Variants in ERI1 observed in about 807,000 individuals in gnomAD.
ERI1 encodes exoribonuclease 1, also known as 3'-5' exoribonuclease 1.
A neutral mutation model predicts 39.7 loss-of-function variants in ERI1; 39 were observed. The observed-to-expected ratio is 0.98, with a 90% CI of 0.76 to 1.28. The LOEUF (loss-of-function observed/expected upper bound fraction) is 1.28, where lower values mean the gene tolerates loss of function less well. Among genes scored for constraint, ERI1 ranks in the 50% most tolerant of loss-of-function variants. The pLI, the probability that ERI1 is intolerant of heterozygous loss-of-function variation, is 0.00. For missense variants in ERI1, 581 were observed against 416.9 expected (o/e 1.39, Z -3.43); for synonymous variants, 204 against 149.6 (o/e 1.36, Z -2.65).
chr8:9,059,488 G>T (rs1050600437), intron 3 of ERI1, among the ~76,000 whole-genome samples: 4 of 152,030 alleles, frequency 2.6e-5, no homozygotes, highest in Non-Finnish European at 4.4e-5. Context: ...GCTGAAGGAA[G>T]ATTTTGTGGA....
chr8:9,021,515 C>G (rs941088681), intron 6 of ERI1, among the ~76,000 whole-genome samples: 1 of 152,114 alleles, frequency 6.6e-6, no homozygotes, highest in Non-Finnish European at 1.5e-5. Context: ...TTTTAACAGT[C>G]TTTTAAAACT....
At chr8:9,053,476 C>T (rs974843646) in intron 3 of ERI1, among the ~76,000 whole-genome samples, 1 of 151,256 alleles carries the variant, frequency 6.6e-6, no homozygotes, top group East Asian at 2.0e-4. Flanking sequence ...CAGCCACTAG[C>T]CCCATACCTC....
intron 5 of ERI1, among the ~76,000 whole-genome samples, chr8:9,019,659 C>G (rs940614683): frequency 6.6e-6 from 1 of 152,152 alleles, no homozygotes; most frequent in Non-Finnish European, 1.5e-5. Flanking sequence ...TACAGAAGCA[C>G]TAGTGTCCTG....
chr8:9,049,221 A>G (rs1292203581), intron 3 of ERI1, among the ~76,000 whole-genome samples: 1 of 151,004 alleles, frequency 6.6e-6, no homozygotes, highest in African/African-American at 2.4e-5. Context: ...CTGTAATCCC[A>G]GCTACTCAGG....
intron 3 of ERI1, among the ~76,000 whole-genome samples, chr8:9,093,038 T>C (rs1215139204): frequency 6.6e-6 from 1 of 152,184 alleles, no homozygotes; most frequent in African/African-American, 2.4e-5. Flanking sequence ...AGTATGTCTG[T>C]CTCCAAATTT....
At chr8:9,076,115 G>C (rs1397282626) in intron 3 of ERI1, among the ~76,000 whole-genome samples, 10 of 152,074 alleles carry the variant, frequency 6.6e-5, no homozygotes, top group Admixed American at 6.6e-4. Context: ...TTTTGCTGCT[G>C]TTGTTGTTTT....
rs912208485 is a variant in ERI1, at chr8:9,002,923, C to T, written c.-141C>T. On this transcript the variant is annotated 5_prime_UTR_variant, in exon 1 of 7. Transcript: ENST00000250263. ...CACGCTCCCGGAAGTGGGAGGTGGC[C>T]GCTGGAGTTTGTGTGGCCGCCGCCG... 1 of 529,898 alleles carries T rather than the reference C, an allele frequency of 1.9e-6. No individual in the cohort carries two copies. The highest frequency in any genetic ancestry group is 2.9e-6 in the Non-Finnish European group (1 of 346,968). The allele number at this position is 529,898 out of a possible 1,614,324, so 32.8% of individuals were successfully genotyped here.
chr8:9,003,197 G>C (rs776585158), intron 1 of ERI1, 26 bp downstream of exon 1: 1 of 1,223,392 alleles, frequency 8.2e-7, no homozygotes, highest in Admixed American at 4.2e-5. Context: ...GCGCCTGGCT[G>C]TTGGCGCCAG....
At chr8:9,045,028 G>C (rs1300314778) in intron 3 of ERI1, among the ~76,000 whole-genome samples, 1 of 151,844 alleles carries the variant, frequency 6.6e-6, no homozygotes, top group African/African-American at 2.4e-5. Flanking sequence ...ACGAGGTCAG[G>C]AGATCGAGAC....
At chr8:9,033,598 A>G (rs1326754094), downstream of ERI1, among the ~76,000 whole-genome samples, 1 of 152,220 alleles carries the variant, frequency 6.6e-6, no homozygotes, top group African/African-American at 2.4e-5. Flanking sequence ...TCAGACATTT[A>G]TGGAGCACTG....
chr8:9,008,664 C>G (rs1301327836), intron 2 of ERI1, among the ~76,000 whole-genome samples: 1 of 152,166 alleles, frequency 6.6e-6, no homozygotes, highest in African/African-American at 2.4e-5. Context: ...ACTTAGTCAA[C>G]TGTATGTGTA....
chr8:9,037,892 A>T (rs1051785075), downstream of ERI1, among the ~76,000 whole-genome samples: 26 of 47,054 alleles, frequency 5.5e-4, no homozygotes, highest in African/African-American at 3.6e-3. Context: ...TTGCTGATTT[A>T]AAAAAAAAAA....
intron 6 of ERI1, 40 bp from the exon 7 acceptor site, chr8:9,029,752 G>C: frequency 3.7e-6 from 6 of 1,611,078 alleles, no homozygotes; most frequent in Non-Finnish European, 5.1e-6. Context: ...TTACAGTTTA[G>C]AACACCAAAG....
At chr8:9,089,554 TA>T (rs1265629440) in intron 3 of ERI1, among the ~76,000 whole-genome samples, 1 of 152,152 alleles carries the variant, frequency 6.6e-6, no homozygotes, top group Non-Finnish European at 1.5e-5. Context: ...GAAAATGCCC[TA>T]TGAGGAGGAA....
chr8:9,067,915 G>T (rs1023048709), intron 3 of ERI1, among the ~76,000 whole-genome samples: 10 of 137,632 alleles, frequency 7.3e-5, no homozygotes, highest in African/African-American at 1.4e-4. Context: ...AGAGAGTTAT[G>T]CTACAAATAC....
Position 9,065,841 on chromosome 8 carries a change from C to G in ERI1, n.299+45377C>G, listed in dbSNP as rs1252074661. ...GCCTTGGAAGTTTTGATTCCTTTTTCCTCTCCTGTTGCAAACTCATGTTGT... is the reference window on the plus strand; with the variant it reads ...GCCTTGGAAGTTTTGATTCCTTTTTGCTCTCCTGTTGCAAACTCATGTTGT... On this transcript the variant is annotated intron_variant and non_coding_transcript_variant, in intron 3 of 3. Coordinates refer to the ERI1 transcript ENST00000518663. Among the ~76,000 whole-genome samples the G allele has an allele frequency of 3.3e-5, 5 of 151,950 alleles. No individual in the cohort carries two copies. In the East Asian group the frequency reaches 7.7e-4, roughly 23 times the overall value.
chr8:9,015,615 G>C (rs1817155071), intron 3 of ERI1, among the ~76,000 whole-genome samples: 1 of 151,298 alleles, frequency 6.6e-6, no homozygotes, highest in African/African-American at 2.4e-5. Context: ...CCAGCTAGTT[G>C]GGAGGCTGAG....
intron 1 of ERI1, among the ~76,000 whole-genome samples, chr8:9,006,738 C>T (rs1165016642): frequency 3.3e-5 from 5 of 152,042 alleles, no homozygotes. Flanking sequence ...AATTTATGGA[C>T]AGTTCACACA....
chr8:9,088,459 G>C (rs914526485), intron 3 of ERI1: 1 of 152,204 alleles, frequency 6.6e-6, no homozygotes, highest in Admixed American at 6.5e-5. Flanking sequence ...TATCATTAAA[G>C]AGAAAGAGGA....
Sources: gnomAD v4.1 joint callset for allele counts (sites outside exome capture counted in the v4.1 genomes callset) on GRCh38, gnomAD v4.1.1 for gene constraint, MANE v1.5 for transcripts, NCBI Gene and HGNC (gene_info 2026-07-23, HGNC 2026-07-21) for gene names.